The following ZNF131 variants were observed in gnomAD, a reference collection of about 807,000 sequenced individuals.
ZNF131 encodes zinc finger and BTB domain containing 35, also known as zinc finger protein 131.
A neutral mutation model predicts 60.0 loss-of-function variants in ZNF131; 7 were observed. The ratio of observed to expected loss-of-function variants is 0.12; its 90% CI spans 0.07 to 0.22. ZNF131 has a LOEUF of 0.22. ZNF131 is among the 10% of genes least tolerant of loss of function. The pLI is 1.00. For synonymous variants in ZNF131, 257 were observed against 253.2 expected (o/e 1.01, Z -0.14); for missense variants, 493 against 740.9 (o/e 0.67, Z 3.88).
intron 4 of ZNF131, among the ~76,000 whole-genome samples, chr5:43,147,300 A>T (rs925719163): frequency 2.0e-5 from 3 of 151,536 alleles, no homozygotes; most frequent in African/African-American, 7.3e-5. Context: ...ATATGCTTTC[A>T]TTTCTCTTAG....
At chr5:43,130,402 A>G (rs1745186317) in intron 3 of ZNF131, among the ~76,000 whole-genome samples, 1 of 152,124 alleles carries the variant, frequency 6.6e-6, no homozygotes, top group Non-Finnish European at 1.5e-5. Context: ...TGAAATGAGT[A>G]ATATAAAAGT....
At position 43,153,463 on chromosome 5, in the gene ZNF131, T is replaced by TAAAA. The variant is rs35596507; in HGVS notation, c.372-7763_372-7760dup. Among the ~76,000 whole-genome samples, 214 of 61,156 alleles carry TAAAA rather than the reference T, an allele frequency of 3.5e-3. 6 individuals are homozygous for TAAAA. The highest frequency in any genetic ancestry group is 0.012 in the African/African-American group (166 of 13,350). 40.1% of individuals were successfully genotyped at this position (61,156 alleles called of 152,430 possible). On this transcript the variant is annotated intron_variant, in intron 4 of 6. Coordinates refer to ENST00000682664, the MANE Select transcript of ZNF131 (RefSeq NM_001330707.2). ...CAACATGGTGAACTCCCATCTCTAC[T>TAAAA]AAAAAAAAAAAAAAAAAAAAAAAAA...
At chr5:43,122,238 A>T in intron 2 of ZNF131, 61 bp downstream of exon 2, 5 of 1,358,642 alleles carry the variant, frequency 3.7e-6, no homozygotes, top group African/African-American at 1.6e-5. Flanking sequence ...TGTCCTTCGG[A>T]CACCCGCCTT....
rs560548003 is a variant in ZNF131 at position 43,164,340 on chromosome 5, C to T, written c.1054+2409C>T. Among the ~76,000 whole-genome samples, 8 of 152,252 alleles carry T rather than the reference C, an allele frequency of 5.3e-5. No homozygotes were observed. The South Asian group carries it at 1.2e-3, about 24-fold the overall frequency. On this transcript the variant is annotated intron_variant, in intron 5 of 6. Transcript: ENST00000682664. ...CCAATCCCCCGCATATACCAAGGGA[C>T]GCCTACCTGTTTTATATAATATTTG... is the stretch of plus-strand genomic sequence containing the variant.
chr5:43,140,316 G>A (rs1746650223), intron 4 of ZNF131, among the ~76,000 whole-genome samples: 3 of 152,210 alleles, frequency 2.0e-5, no homozygotes, highest in Non-Finnish European at 4.4e-5. Context: ...TAGTTACTAA[G>A]AATAAGAGCT....
chr5:43,138,920 G>A (rs1379426863), intron 3 of ZNF131, among the ~76,000 whole-genome samples: 1 of 152,172 alleles, frequency 6.6e-6, no homozygotes, highest in African/African-American at 2.4e-5. Flanking sequence ...TCATATATTT[G>A]AGTGATAGAA....
At chr5:43,126,462 T>C (rs1421747139) in intron 3 of ZNF131, among the ~76,000 whole-genome samples, 1 of 152,162 alleles carries the variant, frequency 6.6e-6, no homozygotes, top group Admixed American at 6.5e-5. Flanking sequence ...AGTTCACACA[T>C]GGGCATGTTG....
intron 3 of ZNF131, among the ~76,000 whole-genome samples, chr5:43,135,500 G>T (rs889076620): frequency 6.7e-6 from 1 of 150,052 alleles, no homozygotes; most frequent in African/African-American, 2.4e-5. Flanking sequence ...TGTAATCCCA[G>T]CACTTTGGGA....
At chr5:43,137,892 T>C (rs1486157441) in intron 3 of ZNF131, among the ~76,000 whole-genome samples, 2 of 152,254 alleles carry the variant, frequency 1.3e-5, no homozygotes, top group Non-Finnish European at 2.9e-5. Flanking sequence ...TATTCAGCTC[T>C]TAAGAACAAG....
In ZNF131 at chr5:43,121,131, G is replaced by A. The variant is rs536727207; in HGVS notation, c.-16+8G>A. On this transcript the variant is annotated splice_region_variant and intron_variant, in intron 1 of 6. Transcript: ENST00000682664. ...GGGCGACCCACGAGCTAGGTAAGGCGGGCCAACCCAGGTCTCGGAAGGAAG... is the reference window on the plus strand; with the variant it reads ...GGGCGACCCACGAGCTAGGTAAGGCAGGCCAACCCAGGTCTCGGAAGGAAG... 8.5e-5 allele frequency: 13 copies of A among 153,206 alleles called. No individual in the cohort carries two copies. The highest frequency in any genetic ancestry group is 2.9e-4 in the African/African-American group (12 of 41,478). The allele number at this position is 153,206 out of a possible 1,614,324, so 9.5% of individuals were successfully genotyped here.
intron 3 of ZNF131, among the ~76,000 whole-genome samples, chr5:43,138,205 T>C (rs751315056): frequency 5.3e-5 from 8 of 152,280 alleles, no homozygotes; most frequent in African/African-American, 9.6e-5. Flanking sequence ...CACTTAAAAA[T>C]GTGTTAAGTG....
At chr5:43,147,583 A>C (rs1579808353) in intron 4 of ZNF131, among the ~76,000 whole-genome samples, 1 of 151,016 alleles carries the variant, frequency 6.6e-6, no homozygotes, top group East Asian at 2.0e-4. Flanking sequence ...ACACCCGGCT[A>C]ATTTTTTTCT....
At chr5:43,127,515 C>G (rs183002498) in intron 3 of ZNF131, among the ~76,000 whole-genome samples, 2 of 152,338 alleles carry the variant, frequency 1.3e-5, no homozygotes, top group African/African-American at 4.8e-5. Flanking sequence ...ACTGCCCTAG[C>G]ATGATTCTAG....
At chr5:43,125,036 A>AC (rs1215944145) in intron 3 of ZNF131, 1 of 152,042 alleles carries the variant, frequency 6.6e-6, no homozygotes, top group Non-Finnish European at 1.5e-5. Context: ...TCTCAAAAAA[A>AC]AAAAAAAAAA....
intron 4 of ZNF131, among the ~76,000 whole-genome samples, chr5:43,153,932 C>G (rs1472275112): frequency 6.6e-6 from 1 of 152,200 alleles, no homozygotes; most frequent in Non-Finnish European, 1.5e-5. Context: ...ATGAAACATC[C>G]ATCAGTACCT....
intron 3 of ZNF131, among the ~76,000 whole-genome samples, chr5:43,130,379 T>C (rs916901707): frequency 6.6e-5 from 10 of 151,252 alleles, no homozygotes; most frequent in Admixed American, 4.6e-4. Flanking sequence ...AAAGAAATAA[T>C]GTATACATTT....
chr5:43,174,924 G>A lies in ZNF131; in HGVS notation c.1663G>A (p.Val555Ile). 1 of 1,614,122 alleles carries A rather than the reference G, an allele frequency of 6.2e-7. No homozygotes were observed. The highest frequency in any genetic ancestry group is 1.6e-4 in the Middle Eastern group (1 of 6,062). Residue 555 changes from valine to isoleucine, a missense_variant, in exon 7 of 7, where the codon GTA becomes ATA. Physicochemically the swap from Val to Ile is conservative, Grantham distance 29. This residue lies in a region of ZNF131 where 202 missense variants were observed against 221.3 expected (regional missense o/e 0.91). Transcript: ENST00000682664. Reference protein sequence around the residue: ...VERVNQMPVEVQTELLEADLD... With the variant: ...VERVNQMPVEIQTELLEADLD... ...ACGGGTCAATCAAATGCCAGTGGAAGTACAAACTGAACTTCTAGAAGCAGA... is the reference window on the plus strand; with the variant it reads ...ACGGGTCAATCAAATGCCAGTGGAAATACAAACTGAACTTCTAGAAGCAGA...
At chr5:43,174,305 G>A (rs1751341049) in intron 6 of ZNF131, 142 bp from the exon 7 acceptor site, 1 of 743,194 alleles carries the variant, frequency 1.3e-6, no homozygotes, top group African/African-American at 1.8e-5. Flanking sequence ...GAAATAGCTT[G>A]GACGAGATTC....
intron 3 of ZNF131, chr5:43,124,292 A>G (rs1744234219): frequency 6.6e-6 from 1 of 152,182 alleles, no homozygotes. Flanking sequence ...CTAAAACAGC[A>G]GGAAATAAAT....
Sources: allele counts gnomAD v4.1 joint callset (sites outside exome capture counted in the v4.1 genomes callset), GRCh38; gene constraint gnomAD v4.1.1; regional missense constraint gnomAD v4.1.1; transcripts MANE v1.5; gene names NCBI Gene and HGNC (gene_info 2026-07-23, HGNC 2026-07-21).